SIM2: variants seen among roughly 807,000 people sequenced by gnomAD.
The protein encoded by SIM2 is single-minded homolog 2.
Under a neutral mutation model 64.8 loss-of-function variants are expected in SIM2, and 28 were observed. The ratio of observed to expected loss-of-function variants is 0.43; its 90% CI spans 0.32 to 0.59. The LOEUF is 0.59. Among genes scored for constraint, SIM2 ranks in the 20% least tolerant of loss-of-function variants. The probability of loss-of-function intolerance (pLI) is 0.07; values close to 1 mark genes in which losing one functional copy is unlikely to be tolerated. For synonymous variants in SIM2, 408 were observed against 391.1 expected (o/e 1.04, Z -0.51); for missense variants, 847 against 871.4 (o/e 0.97, Z 0.35).
Position 36,747,802 on chromosome 21 carries a change from G to C in SIM2, c.1714G>C (p.Ala572Pro), listed in dbSNP as rs1236976982. 9.6e-7 allele frequency: 1 copy of C among 1,038,084 alleles called. No individual in the cohort carries two copies. Among genetic ancestry groups the C allele is most frequent in the Non-Finnish European group, 1.2e-6 (1 of 867,718 alleles). 64.3% of individuals were successfully genotyped at this position (1,038,084 alleles called of 1,614,324 possible). The change falls in exon 11 of 11, where the codon GCG becomes CCG. Residue 572 changes from alanine to proline, a missense_variant. Transcript: ENST00000290399. The surrounding 1 kb of genome is among the most constrained non-coding windows in gnomAD (Gnocchi z 4.5). ...GGCCGCCCGGGACGGGGCGCGGCTG[G>C]CGCTGGCCCGCGCGGCACCCGAGTG... The part of the protein sequence containing the change: ...RQAARDGARL[A>P]LARAAPECCA...
In SIM2 at chr21:36,745,878, C is replaced by T. The variant is rs2089222371; in HGVS notation, c.1576+742C>T. 7.7e-7 allele frequency: 1 copy of T among 1,301,394 alleles called. No individual in the cohort carries two copies. The highest frequency in any genetic ancestry group is 1.5e-5 in the African/African-American group (1 of 65,964). The allele number at this position is 1,301,394 out of a possible 1,614,324, so 80.6% of individuals were successfully genotyped here. A position where few individuals can be genotyped will look rare whatever the true frequency, so the allele number is the denominator to read the frequency against. ...GTTTGCTCGCTGGACCAACCCCAGG[C>T]AGAAGGTGGAAGGTGGGAACAGAGG... On this transcript the variant is annotated intron_variant, in intron 10 of 10. Coordinates refer to ENST00000290399, the MANE Select transcript of SIM2 (RefSeq NM_005069.6). The surrounding 1 kb of genome is among the most constrained non-coding windows in gnomAD (Gnocchi z 4.8).
intron 8 of SIM2, 95 bp downstream of exon 8, chr21:36,741,959 C>A: frequency 8.2e-7 from 1 of 1,224,434 alleles, no homozygotes; most frequent in Non-Finnish European, 1.1e-6. Flanking sequence ...TTCTCTCTTT[C>A]TCAAACTGTT....
At chr21:36,700,646 T>A (rs2088478423) in intron 1 of SIM2, among the ~76,000 whole-genome samples, 1 of 152,118 alleles carries the variant, frequency 6.6e-6, no homozygotes, top group African/African-American at 2.4e-5. Context: ...GGGATCACGG[T>A]GAGGCCCAAG....
intron 1 of SIM2, among the ~76,000 whole-genome samples, chr21:36,706,155 G>T (rs945398755): frequency 2.0e-5 from 3 of 152,242 alleles, no homozygotes; most frequent in Non-Finnish European, 2.9e-5. Flanking sequence ...TCGCTTGGAG[G>T]CCGTGCAGTG....
chr21:36,712,211 AAAAT>A (rs2088686222), intron 2 of SIM2, among the ~76,000 whole-genome samples: 2 of 152,240 alleles, frequency 1.3e-5, no homozygotes, highest in African/African-American at 4.8e-5. Context: ...ACTAAGTGCT[AAAAT>A]AACCCCAAAC....
At chr21:36,705,026 G>C (rs2088559755) in intron 1 of SIM2, among the ~76,000 whole-genome samples, 1 of 152,228 alleles carries the variant, frequency 6.6e-6, no homozygotes, top group Non-Finnish European at 1.5e-5. Context: ...TCAAGCTATA[G>C]GCTGTCCTAG....
intron 1 of SIM2, among the ~76,000 whole-genome samples, chr21:36,700,320 TTCTTTTTC>T (rs1308457695): frequency 7.4e-6 from 1 of 134,972 alleles, no homozygotes; most frequent in African/African-American, 3.9e-5. Flanking sequence ...TTCTTTCTCT[TTCTTTTTC>T]TTTCTTTCTT....
intron 10 of SIM2, among the ~76,000 whole-genome samples, chr21:36,746,911 CCTT>C (rs1403527609): frequency 2.0e-5 from 3 of 152,176 alleles, no homozygotes; most frequent in Non-Finnish European, 4.4e-5. Flanking sequence ...TTAACAATCT[CCTT>C]ATCACACACT....
At chr21:36,719,770 C>G in intron 3 of SIM2, 51 bp from the exon 4 acceptor site, 1 of 1,130,516 alleles carries the variant, frequency 8.8e-7, no homozygotes, top group Non-Finnish European at 1.3e-6. Flanking sequence ...CCTCCCCCTG[C>G]GCCAATCCCA....
rs2089164028 is a variant in SIM2, at chr21:36,741,814, C to G, written c.948C>G (p.Asn316Lys). ...WVQSYATVVH[N>K]SRSSRPHCIV... ...AGAGCTACGCCACCGTGGTGCACAA[C>G]AGCCGCTCGTCCCGGCCCCACTGCA... The change falls in exon 8 of 11, where the codon AAC becomes AAG. Residue 316 changes from asparagine to lysine, a missense_variant. Physicochemically the swap from Asn to Lys is moderately conservative, Grantham distance 94 (BLOSUM62 0). Transcript: ENST00000290399. 1.2e-6 allele frequency: 2 copies of G among 1,610,100 alleles called. No individual in the cohort carries two copies. The highest frequency in any genetic ancestry group is 2.7e-5 in the African/African-American group (2 of 75,032).
chr21:36,710,094 G>A (rs952882977), intron 2 of SIM2: 48 of 154,364 alleles, frequency 3.1e-4, no homozygotes, highest in African/African-American at 1.2e-3. Flanking sequence ...TTACAGGCGT[G>A]AGCCAACGCG....
At chr21:36,709,672 G>A (rs2088647771) in intron 2 of SIM2, 1 of 353,812 alleles carries the variant, frequency 2.8e-6, no homozygotes, top group Non-Finnish European at 5.5e-6. Context: ...GTGTGTGCAA[G>A]GGGCGCAAGG....
intron 3 of SIM2, among the ~76,000 whole-genome samples, chr21:36,716,584 C>T (rs1020233195): frequency 3.9e-5 from 6 of 152,088 alleles, no homozygotes; most frequent in African/African-American, 9.7e-5. Flanking sequence ...CTTAATTTAC[C>T]ATACTCAGCA....
Position 36,748,647 on chromosome 21 carries a change from T to G in SIM2, c.*555T>G. ...AGAGTCTCATTATTTTTGTTTTTAT[T>G]TAACCCTTTCTTCAATACAAAAAGC... On this transcript the variant is annotated 3_prime_UTR_variant, in exon 11 of 11. Transcript: ENST00000290399. 6.6e-6 allele frequency: 1 copy of G among 152,368 alleles called. No individual in the cohort carries two copies. Among genetic ancestry groups the G allele is most frequent in the East Asian group, 1.9e-4 (1 of 5,196 alleles). The allele number at this position is 152,368 out of a possible 1,614,324, so 9.4% of individuals were successfully genotyped here. A position where few individuals can be genotyped will look rare whatever the true frequency, so the allele number is the denominator to read the frequency against.
rs2088465971 is a variant in SIM2, at chr21:36,699,987, G to T, written c.175+66G>T. The T allele has an allele frequency of 6.7e-6, 10 of 1,486,396 alleles. No individual in the cohort carries two copies. Among genetic ancestry groups the T allele is most frequent in the Non-Finnish European group, 8.1e-6 (9 of 1,113,420 alleles). 92.1% of individuals were successfully genotyped at this position (1,486,396 alleles called of 1,614,324 possible). On this transcript the variant is annotated intron_variant, in intron 1 of 10. Coordinates refer to ENST00000290399, the MANE Select transcript of SIM2 (RefSeq NM_005069.6). This position sits in a 1 kb window ranked among gnomAD's most constrained non-coding sequence, Gnocchi z 5.6. Reference sequence around the variant, plus strand: ...GGCGGCCCCGGCCCAGGCGGGAAGCGCAAGCCAGCCCGCCCAGAGGGGTTG... The same window carrying T: ...GGCGGCCCCGGCCCAGGCGGGAAGCTCAAGCCAGCCCGCCCAGAGGGGTTG...
chr21:36,710,693 A>G (rs1431087512), intron 2 of SIM2: 1 of 152,012 alleles, frequency 6.6e-6, no homozygotes, highest in Admixed American at 6.6e-5. Flanking sequence ...TCTTTTCACA[A>G]CTCTCTTGCC....
chr21:36,740,404 G>C (rs1285943738), intron 7 of SIM2, among the ~76,000 whole-genome samples: 1 of 152,190 alleles, frequency 6.6e-6, no homozygotes, highest in East Asian at 1.9e-4. Flanking sequence ...TTAAACAAGG[G>C]AGTTGGGCAT....
In SIM2 at chr21:36,747,975, C is replaced by A; in HGVS notation, c.1887C>A (p.Pro629=). 2 of 1,027,722 alleles carry A rather than the reference C, an allele frequency of 1.9e-6. No homozygotes were observed. The highest frequency in any genetic ancestry group is 2.3e-6 in the Non-Finnish European group (2 of 859,662). 63.7% of individuals were successfully genotyped at this position (1,027,722 alleles called of 1,614,324 possible). ...GCCTGGCCTGCGCTCCCGGCGGCCCCGAGGCGGCGACCGGCGCGCTGCGGC... is the reference window on the plus strand; with the variant it reads ...GCCTGGCCTGCGCTCCCGGCGGCCCAGAGGCGGCGACCGGCGCGCTGCGGC... The part of the protein sequence containing the change: ...ASGLACAPGG[P]EAATGALRLR... Residue 629 remains proline, a synonymous_variant, in exon 11 of 11, where the codon CCC becomes CCA. Coordinates refer to ENST00000290399, the MANE Select transcript of SIM2 (RefSeq NM_005069.6). This position sits in a 1 kb window ranked among gnomAD's most constrained non-coding sequence, Gnocchi z 4.5.
intron 1 of SIM2, among the ~76,000 whole-genome samples, chr21:36,700,977 G>A (rs1185072578): frequency 6.6e-6 from 1 of 152,230 alleles, no homozygotes; most frequent in South Asian, 2.1e-4. Flanking sequence ...GTGGCTGCCC[G>A]GCCAGGCACC....
Sources: gnomAD v4.1 joint callset for allele counts (sites outside exome capture counted in the v4.1 genomes callset) on GRCh38, gnomAD v4.1.1 for gene constraint, Gnocchi (gnomAD v3.1) non-coding constraint, MANE v1.5 for transcripts, NCBI Gene and HGNC (gene_info 2026-07-23, HGNC 2026-07-21) for gene names.